Variants in C8orf34 observed in about 807,000 individuals in gnomAD.
The protein encoded by C8orf34 is uncharacterized protein C8orf34.
Under a neutral mutation model 68.3 loss-of-function variants are expected in C8orf34, and 65 were observed. The ratio of observed to expected loss-of-function variants is 0.95; its 90% CI spans 0.78 to 1.17. The LOEUF (loss-of-function observed/expected upper bound fraction) is 1.17. Among genes scored for constraint, C8orf34 ranks in the 50% most tolerant of loss-of-function variants. C8orf34 has a pLI of 0.00. For synonymous variants in C8orf34, 244 were observed against 241.2 expected, an observed-to-expected ratio of 1.01 and a Z score of -0.11; for missense variants, 664 against 655.4, an observed-to-expected ratio of 1.01 and a Z score of -0.14.
At chr8:68,679,252 A>G (rs1383700809) in intron 8 of C8orf34, among the ~76,000 whole-genome samples, 1 of 152,120 alleles carries the variant, frequency 6.6e-6, no homozygotes, top group Non-Finnish European at 1.5e-5. Context: ...CCACCACTGC[A>G]CTCCAGCCTG....
At chr8:68,629,336 G>A (rs1447193002) in intron 7 of C8orf34, among the ~76,000 whole-genome samples, 2 of 152,122 alleles carry the variant, frequency 1.3e-5, no homozygotes, top group African/African-American at 4.8e-5. Flanking sequence ...CCTAAAAGTG[G>A]TAAGATGGAG....
At position 68,717,410 on chromosome 8, in the gene C8orf34, A is replaced by G. The variant is rs140000484; in HGVS notation, c.1328-3951A>G. 4.4e-3 allele frequency among the ~76,000 whole-genome samples: 670 copies of G among 151,754 alleles called. 10 individuals are homozygous for G. Among genetic ancestry groups the G allele is most frequent in the African/African-American group, 0.015 (632 of 41,382 alleles). The stretch of plus-strand genomic sequence containing the variant: ...CGGGAGGCTGAGGCAGGAGAATGGC[A>G]TGAACCCGGAAGGAGGAGCTTGCAG... On this transcript the variant is annotated intron_variant, in intron 9 of 13. Coordinates refer to ENST00000518698, the MANE Select transcript of C8orf34 (RefSeq NM_052958.4).
At chr8:68,409,966 CA>C (rs1809374043) in intron 1 of C8orf34, among the ~76,000 whole-genome samples, 1 of 152,142 alleles carries the variant, frequency 6.6e-6, no homozygotes, top group Non-Finnish European at 1.5e-5. Flanking sequence ...AGCCTAGCAG[CA>C]GTAGGCCATG....
intron 7 of C8orf34, among the ~76,000 whole-genome samples, chr8:68,620,289 A>T (rs1818349438): frequency 6.6e-6 from 1 of 152,176 alleles, no homozygotes; most frequent in East Asian, 1.9e-4. Flanking sequence ...AAGGGACCTC[A>T]CACCAGAGGG....
intron 1 of C8orf34, among the ~76,000 whole-genome samples, chr8:68,336,946 T>C (rs1170260713): frequency 6.6e-6 from 1 of 152,146 alleles, no homozygotes; most frequent in East Asian, 1.9e-4. Context: ...AATAGGAATA[T>C]TTTACTTCAC....
chr8:68,809,450 T>C (rs1291625805), intron 12 of C8orf34, among the ~76,000 whole-genome samples: 2 of 152,160 alleles, frequency 1.3e-5, no homozygotes, highest in African/African-American at 4.8e-5. Flanking sequence ...ATATTTGTCT[T>C]ATGCAATGCT....
Position 68,420,034 on chromosome 8 carries a change from C to T in C8orf34, c.328-19465C>T, listed in dbSNP as rs576946308. Among the ~76,000 whole-genome samples the T allele has an allele frequency of 4.0e-5, 6 of 148,258 alleles. No individual in the cohort carries two copies. The South Asian group carries it at 1.1e-3, about 27-fold the overall frequency. ...AAAAAGAAAAGAAATTATCTGAGAG[C>T]TTCAAAGAGCTAACAGGTTAGTGAA... On this transcript the variant is annotated intron_variant, in intron 1 of 13. Transcript: ENST00000518698.
At chr8:68,783,251 G>A in intron 11 of C8orf34, among the ~76,000 whole-genome samples, 1 of 152,112 alleles carries the variant, frequency 6.6e-6, no homozygotes, top group East Asian at 1.9e-4. Context: ...CTGAAATAGA[G>A]GCGCACGCCT....
At chr8:68,392,922 A>T (rs1032328992) in intron 1 of C8orf34, among the ~76,000 whole-genome samples, 4 of 152,300 alleles carry the variant, frequency 2.6e-5, no homozygotes, top group Non-Finnish European at 4.4e-5. Context: ...AATGGAATGT[A>T]TTAGAAAAAC....
chr8:68,495,619 A>G (rs369771116), intron 5 of C8orf34, among the ~76,000 whole-genome samples: 1 of 152,188 alleles, frequency 6.6e-6, no homozygotes, highest in Non-Finnish European at 1.5e-5. Flanking sequence ...TAACAATTAT[A>G]TCATATTTAT....
At position 68,461,134 on chromosome 8, in the gene C8orf34, C is replaced by T. The variant is rs527780660; in HGVS notation, c.608-7558C>T. On this transcript the variant is annotated intron_variant, in intron 3 of 13. Transcript: ENST00000518698. ...GCTGAAAGCCAAGGCTGGAGAACTA[C>T]GTGAAGAATGCAGAAGCCTCAGGAG... Among the ~76,000 whole-genome samples, 31 of 152,188 alleles carry T rather than the reference C, an allele frequency of 2.0e-4. No individual in the cohort carries two copies. The South Asian group carries it at 2.5e-3, about 12-fold the overall frequency.
intron 6 of C8orf34, among the ~76,000 whole-genome samples, chr8:68,529,886 C>CTA (rs1335107814): frequency 1.3e-5 from 2 of 151,684 alleles, no homozygotes; most frequent in African/African-American, 2.4e-5. Context: ...TCTAACCATC[C>CTA]TATATATATA....
At chr8:68,386,457 A>G (rs773260712) in intron 1 of C8orf34, among the ~76,000 whole-genome samples, 1 of 152,188 alleles carries the variant, frequency 6.6e-6, no homozygotes, top group Non-Finnish European at 1.5e-5. Flanking sequence ...TGTATAAAAC[A>G]TATATTTATT....
At chr8:68,369,196 A>G (rs1020908278) in intron 1 of C8orf34, among the ~76,000 whole-genome samples, 4 of 152,204 alleles carry the variant, frequency 2.6e-5, no homozygotes, top group Non-Finnish European at 5.9e-5. Flanking sequence ...CTTGAAACCA[A>G]TCTTCCAGTT....
chr8:68,753,341 A>C (rs1822759382), intron 10 of C8orf34, among the ~76,000 whole-genome samples: 1 of 151,542 alleles, frequency 6.6e-6, no homozygotes, highest in Non-Finnish European at 1.5e-5. Flanking sequence ...GATTGCATGA[A>C]GCCTTGTAGA....
chr8:68,804,608 C>T (rs373140177), intron 12 of C8orf34, among the ~76,000 whole-genome samples: 6 of 152,060 alleles, frequency 3.9e-5, no homozygotes, highest in African/African-American at 1.4e-4. Flanking sequence ...TGGCGAAACC[C>T]CATCTCTACT....
At chr8:68,764,210 A>T (rs1233856844) in intron 10 of C8orf34, among the ~76,000 whole-genome samples, 1 of 152,230 alleles carries the variant, frequency 6.6e-6, no homozygotes, top group Non-Finnish European at 1.5e-5. Context: ...GTTAGAGGTT[A>T]GCACCTACCT....
chr8:68,526,686 CAAAA>C (rs370357862), intron 6 of C8orf34, among the ~76,000 whole-genome samples: 1 of 133,246 alleles, frequency 7.5e-6, no homozygotes, highest in Non-Finnish European at 1.6e-5. Context: ...TGACTGGAGT[CAAAA>C]AAAAAAAAAA....
intron 9 of C8orf34, among the ~76,000 whole-genome samples, chr8:68,717,623 G>A (rs891842249): frequency 6.6e-6 from 1 of 152,016 alleles, no homozygotes; most frequent in Non-Finnish European, 1.5e-5. Context: ...TTAAGTGGTG[G>A]GTTTGGGGTG....
Sources: allele counts gnomAD v4.1 joint callset (sites outside exome capture counted in the v4.1 genomes callset), GRCh38; gene constraint gnomAD v4.1.1; transcripts MANE v1.5; gene names NCBI Gene and HGNC (gene_info 2026-07-23, HGNC 2026-07-21).